The following EXOC4 variants were observed in gnomAD, a reference collection of about 807,000 sequenced individuals.
EXOC4 encodes the protein SEC8-like 1.
In EXOC4, 71 loss-of-function variants were observed where a neutral mutation model predicts 107.2. The ratio of observed to expected loss-of-function variants is 0.66; its 90% CI spans 0.55 to 0.81. The LOEUF is 0.81. EXOC4 is among the 30% of genes least tolerant of loss of function. The pLI, the probability that EXOC4 is intolerant of heterozygous loss-of-function variation, is 0.00. For missense variants in EXOC4, 1,108 were observed against 1,189.6 expected (o/e 0.93, Z 1.01); for synonymous variants, 456 against 441.2 (o/e 1.03, Z -0.42).
chr7:133,362,487 ACT>A (rs1796157589), intron 6 of EXOC4, among the ~76,000 whole-genome samples: 1 of 151,690 alleles, frequency 6.6e-6, no homozygotes, highest in Admixed American at 6.6e-5. Context: ...ATTTTCTAAA[ACT>A]CTTTTTTTCC....
chr7:133,913,664 A>G (rs1165156432), intron 12 of EXOC4, among the ~76,000 whole-genome samples: 2 of 152,186 alleles, frequency 1.3e-5, no homozygotes, highest in Non-Finnish European at 2.9e-5. Context: ...TAGTTAGTAA[A>G]TTGAGTTCCT....
intron 9 of EXOC4, among the ~76,000 whole-genome samples, chr7:133,613,127 A>G (rs1802109973): frequency 6.6e-6 from 1 of 152,312 alleles, no homozygotes; most frequent in South Asian, 2.1e-4. Context: ...CACAAACTAT[A>G]TATTGATATT....
chr7:133,977,267 A>G (rs1793860719), intron 14 of EXOC4, among the ~76,000 whole-genome samples: 1 of 152,224 alleles, frequency 6.6e-6, no homozygotes, highest in Non-Finnish European at 1.5e-5. Flanking sequence ...AAAAAGTTAA[A>G]AAGTAAAATA....
At chr7:133,988,227 T>C (rs1002327971) in intron 14 of EXOC4, among the ~76,000 whole-genome samples, 1 of 152,166 alleles carries the variant, frequency 6.6e-6, no homozygotes, top group African/African-American at 2.4e-5. Flanking sequence ...TTCACCAGAA[T>C]TGCTTTAAAC....
intron 17 of EXOC4, among the ~76,000 whole-genome samples, chr7:134,025,573 A>C (rs1217169838): frequency 1.3e-5 from 2 of 152,220 alleles, no homozygotes; most frequent in Non-Finnish European, 2.9e-5. Flanking sequence ...GGGCTGGAGC[A>C]TCCGGAATGG....
intron 9 of EXOC4, among the ~76,000 whole-genome samples, chr7:133,541,248 T>C (rs1289942794): frequency 1.3e-5 from 2 of 152,196 alleles, no homozygotes; most frequent in Non-Finnish European, 2.9e-5. Context: ...GAAGTATCAG[T>C]TGCCGTTTCT....
At chr7:133,288,831 A>G in intron 2 of EXOC4, 91 bp from the exon 3 acceptor site, 2 of 1,005,442 alleles carry the variant, frequency 2.0e-6, no homozygotes, top group South Asian at 1.6e-5. Flanking sequence ...ACTGCTGCAT[A>G]CAGTAGTACC....
chr7:133,696,144 G>A (rs1463299938), intron 10 of EXOC4, among the ~76,000 whole-genome samples: 2 of 152,180 alleles, frequency 1.3e-5, no homozygotes, highest in Non-Finnish European at 2.9e-5. Flanking sequence ...TCAGGTGGCC[G>A]TGGCTGGGTG....
intron 4 of EXOC4, among the ~76,000 whole-genome samples, chr7:133,315,795 C>T (rs529658786): frequency 2.0e-4 from 31 of 152,160 alleles, no homozygotes; most frequent in Non-Finnish European, 3.8e-4. Flanking sequence ...CCACTTTTCA[C>T]ATTAGCCTGT....
intron 9 of EXOC4, among the ~76,000 whole-genome samples, chr7:133,530,658 T>C (rs1236712453): frequency 6.6e-6 from 1 of 152,168 alleles, no homozygotes; most frequent in Non-Finnish European, 1.5e-5. Flanking sequence ...TGAAAGCACA[T>C]GTAGAGTTAC....
At chr7:134,059,288 T>C (rs1034516258) in intron 17 of EXOC4, among the ~76,000 whole-genome samples, 12 of 152,158 alleles carry the variant, frequency 7.9e-5, no homozygotes, top group Non-Finnish European at 1.6e-4. Context: ...GCAGTACTAA[T>C]TTTTGCACTG....
At chr7:133,609,535 A>C (rs2150995250) in intron 9 of EXOC4, among the ~76,000 whole-genome samples, 1 of 152,360 alleles carries the variant, frequency 6.6e-6, no homozygotes, top group Admixed American at 6.5e-5. Context: ...GAAACATTAA[A>C]GGAGGAATAT....
chr7:133,263,568 C>G (rs1348115917), intron 1 of EXOC4, among the ~76,000 whole-genome samples: 6 of 151,428 alleles, frequency 4.0e-5, no homozygotes, highest in African/African-American at 1.5e-4. Context: ...TTTTTGTAGA[C>G]AGGGAGTTTC....
intron 17 of EXOC4, among the ~76,000 whole-genome samples, chr7:134,057,869 C>G (rs1795967374): frequency 1.3e-5 from 2 of 152,130 alleles, no homozygotes; most frequent in South Asian, 4.1e-4. Context: ...AGAAATAGAT[C>G]CAGATAGCTG....
chr7:133,595,793 C>T (rs924725465), intron 9 of EXOC4, among the ~76,000 whole-genome samples: 2 of 152,188 alleles, frequency 1.3e-5, no homozygotes, highest in African/African-American at 2.4e-5. Flanking sequence ...TCCTATACCT[C>T]GCACTGTCTT....
At chr7:133,946,355 C>G (rs1396909769) in intron 14 of EXOC4, among the ~76,000 whole-genome samples, 1 of 152,300 alleles carries the variant, frequency 6.6e-6, no homozygotes, top group Admixed American at 6.5e-5. Flanking sequence ...CTTCCCACCC[C>G]CTGCCTGACT....
the EXOC4 span, among the ~76,000 whole-genome samples, chr7:134,077,344 T>C: frequency 8.5e-5 from 13 of 152,338 alleles, no homozygotes; most frequent in Non-Finnish European, 1.8e-4. Flanking sequence ...GGATGATGCT[T>C]ACCCACATTG....
intron 14 of EXOC4, among the ~76,000 whole-genome samples, chr7:133,956,967 G>A (rs181120214): frequency 1.1e-4 from 16 of 152,164 alleles, no homozygotes; most frequent in Non-Finnish European, 2.1e-4. Flanking sequence ...TATTTTCCAC[G>A]TGATAATACC....
chr7:133,269,558 A>G (rs763170720), intron 1 of EXOC4, among the ~76,000 whole-genome samples: 67 of 152,266 alleles, frequency 4.4e-4, no homozygotes, highest in Non-Finnish European at 7.8e-4. Flanking sequence ...TCTCACTTTC[A>G]CCTTCCTTTC....
Sources: gnomAD v4.1 joint callset for allele counts (sites outside exome capture counted in the v4.1 genomes callset) on GRCh38, gnomAD v4.1.1 for gene constraint, MANE v1.5 for transcripts, NCBI Gene and HGNC (gene_info 2026-07-23, HGNC 2026-07-21) for gene names.